The following HCRTR2 variants were observed in gnomAD, a reference collection of about 807,000 sequenced individuals.
HCRTR2 encodes the protein orexin receptor type 2.
A neutral mutation model predicts 49.0 loss-of-function variants in HCRTR2; 22 were observed. The ratio of observed to expected loss-of-function variants is 0.45; its 90% CI spans 0.32 to 0.64. The LOEUF (loss-of-function observed/expected upper bound fraction) is 0.64, where lower values mean the gene tolerates loss of function less well. HCRTR2 is among the 30% of genes least tolerant of loss of function. The pLI is 0.04. For synonymous variants in HCRTR2, 236 were observed against 205.3 expected (o/e 1.15, Z -1.28); for missense variants, 491 against 559.4 (o/e 0.88, Z 1.23).
intron 1 of HCRTR2, among the ~76,000 whole-genome samples, chr6:55,129,315 C>T (rs1411852587): frequency 6.6e-6 from 1 of 152,038 alleles, no homozygotes; most frequent in African/African-American, 2.4e-5. Flanking sequence ...AATTGAAACT[C>T]CTTCCTAAAT....
intron 1 of HCRTR2, among the ~76,000 whole-genome samples, chr6:55,203,609 G>T (rs894297697): frequency 6.6e-6 from 1 of 152,138 alleles, no homozygotes; most frequent in Non-Finnish European, 1.5e-5. Flanking sequence ...TCGGGTATGG[G>T]TTCAATTTAC....
intron 1 of HCRTR2, among the ~76,000 whole-genome samples, chr6:55,208,083 G>A (rs1019434296): frequency 6.6e-6 from 1 of 152,096 alleles, no homozygotes; most frequent in Non-Finnish European, 1.5e-5. Context: ...ATCACGGATT[G>A]TTACCCTAAT....
intron 1 of HCRTR2, among the ~76,000 whole-genome samples, chr6:55,168,800 T>C: frequency 6.6e-6 from 1 of 152,070 alleles, no homozygotes; most frequent in East Asian, 1.9e-4. Flanking sequence ...ATTGGAATAA[T>C]AATTCATAAA....
Position 55,214,023 on chromosome 6 carries a change from C to T in HCRTR2, c.224-34616C>T, listed in dbSNP as rs1010382746. Among the ~76,000 whole-genome samples the T allele has an allele frequency of 1.2e-4, 18 of 151,234 alleles. 1 individual carries two copies. The highest frequency in any genetic ancestry group is 4.4e-4 in the African/African-American group (18 of 41,094). The stretch of plus-strand genomic sequence containing the variant: ...TTTTTACCACACCAATCTCAGAGTG[C>T]AGATGGAACCTAGCATATTCTAGAT... On this transcript the variant is annotated intron_variant, in intron 1 of 6. Transcript: ENST00000370862.
chr6:55,141,457 G>T (rs184567248), intron 1 of HCRTR2, among the ~76,000 whole-genome samples: 1 of 152,162 alleles, frequency 6.6e-6, no homozygotes, highest in Non-Finnish European at 1.5e-5. Context: ...ACAAAGTGAA[G>T]TTAGAAGAAG....
At chr6:55,111,093 A>T (rs563384729) in intron 1 of HCRTR2, among the ~76,000 whole-genome samples, 84 of 152,250 alleles carry the variant, frequency 5.5e-4, no homozygotes, top group Non-Finnish European at 9.7e-4. Context: ...ATGCAAATAC[A>T]TGGAAATTAA....
chr6:55,213,052 A>G (rs1765724111), intron 1 of HCRTR2, among the ~76,000 whole-genome samples: 1 of 151,634 alleles, frequency 6.6e-6, no homozygotes, highest in Admixed American at 6.6e-5. Flanking sequence ...AAGGGCGAGA[A>G]GAAAGTAAGA....
intron 1 of HCRTR2, among the ~76,000 whole-genome samples, chr6:55,199,509 C>A (rs1306863026): frequency 2.0e-5 from 3 of 151,970 alleles, no homozygotes; most frequent in Non-Finnish European, 4.4e-5. Flanking sequence ...CTTTCTTCTC[C>A]TAATCTATCC....
chr6:55,164,632 G>C (rs1385111057), intron 1 of HCRTR2, among the ~76,000 whole-genome samples: 1 of 152,126 alleles, frequency 6.6e-6, no homozygotes, highest in African/African-American at 2.4e-5. Flanking sequence ...CAGGCAGTGG[G>C]GGGCTAGGGG....
At chr6:55,118,594 T>C (rs1764152201) in intron 1 of HCRTR2, among the ~76,000 whole-genome samples, 1 of 151,930 alleles carries the variant, frequency 6.6e-6, no homozygotes, top group South Asian at 2.1e-4. Context: ...ATAGCCATTC[T>C]CACTGGTGTT....
chr6:55,215,460 T>A (rs1226310744), intron 1 of HCRTR2, among the ~76,000 whole-genome samples: 1 of 152,054 alleles, frequency 6.6e-6, no homozygotes, highest in Non-Finnish European at 1.5e-5. Context: ...AAAAGAACGC[T>A]GAACAGCAAC....
At chr6:55,211,712 T>G (rs1360751388) in intron 1 of HCRTR2, among the ~76,000 whole-genome samples, 1 of 152,184 alleles carries the variant, frequency 6.6e-6, no homozygotes, top group Non-Finnish European at 1.5e-5. Flanking sequence ...CACTGACCTT[T>G]AAGCCTTTGC....
chr6:55,197,770 C>G (rs370883099), intron 1 of HCRTR2, among the ~76,000 whole-genome samples: 1 of 152,016 alleles, frequency 6.6e-6, no homozygotes, highest in African/African-American at 2.4e-5. Context: ...TACAGGTGCC[C>G]GCCACCATGC....
At chr6:55,134,433 A>T (rs888258542) in intron 1 of HCRTR2, among the ~76,000 whole-genome samples, 1 of 151,860 alleles carries the variant, frequency 6.6e-6, no homozygotes, top group Non-Finnish European at 1.5e-5. Context: ...TAACGCATGC[A>T]TCATCTCACA....
chr6:55,121,244 T>A (rs945000208), intron 1 of HCRTR2, among the ~76,000 whole-genome samples: 1 of 152,146 alleles, frequency 6.6e-6, no homozygotes, highest in Non-Finnish European at 1.5e-5. Flanking sequence ...CAATTGTGAA[T>A]GGGAGTTCAC....
chr6:55,242,578 T>C (rs1766357244), intron 1 of HCRTR2, among the ~76,000 whole-genome samples: 1 of 152,254 alleles, frequency 6.6e-6, no homozygotes, highest in Non-Finnish European at 1.5e-5. Flanking sequence ...AGTGGTCCAC[T>C]AATTATGTAC....
intron 1 of HCRTR2, among the ~76,000 whole-genome samples, chr6:55,226,342 T>C (rs1766003911): frequency 6.6e-6 from 1 of 152,190 alleles, no homozygotes; most frequent in South Asian, 2.1e-4. Context: ...AAAGTCTCAC[T>C]CTGTTGCCCA....
chr6:55,131,994 A>G (rs1299393059), intron 1 of HCRTR2, among the ~76,000 whole-genome samples: 3 of 151,800 alleles, frequency 2.0e-5, no homozygotes, highest in African/African-American at 4.8e-5. Context: ...CCTTAAATTC[A>G]TACTCTCAGC....
chr6:55,176,907 T>G (rs1332349911), intron 1 of HCRTR2, among the ~76,000 whole-genome samples: 1 of 152,224 alleles, frequency 6.6e-6, no homozygotes, highest in East Asian at 1.9e-4. Flanking sequence ...AATTTTTTTA[T>G]GAATAGCTAT....
Sources: allele counts gnomAD v4.1 joint callset (sites outside exome capture counted in the v4.1 genomes callset), GRCh38; gene constraint gnomAD v4.1.1; transcripts MANE v1.5; gene names NCBI Gene and HGNC (gene_info 2026-07-23, HGNC 2026-07-21).